BTNL8: variants seen among roughly 807,000 people sequenced by gnomAD.
BTNL8 encodes butyrophilin like 8, also known as butyrophilin-like protein 8.
Under a neutral mutation model 36.1 loss-of-function variants are expected in BTNL8, and 22 were observed. That is an observed-to-expected ratio of 0.61 (90% CI 0.44 to 0.87). BTNL8 has a LOEUF of 0.87. BTNL8 is among the 40% of genes least tolerant of loss of function. The pLI, the probability that BTNL8 is intolerant of heterozygous loss-of-function variation, is 0.00. For missense variants in BTNL8, 526 were observed against 616.9 expected (o/e 0.85, Z 1.56); for synonymous variants, 203 against 235.6 (o/e 0.86, Z 1.27).
At chr5:180,941,183 A>T (rs912001668) in intron 3 of BTNL8, among the ~76,000 whole-genome samples, 6 of 152,102 alleles carry the variant, frequency 3.9e-5, no homozygotes, top group Non-Finnish European at 7.4e-5. Flanking sequence ...ATATGCCAAC[A>T]AGTTGGAAAA....
chr5:180,913,063 C>G (rs1757477815), intron 3 of BTNL8, among the ~76,000 whole-genome samples: 1 of 152,088 alleles, frequency 6.6e-6, no homozygotes, highest in Non-Finnish European at 1.5e-5. Flanking sequence ...GGCTGAACGA[C>G]AATGGAAATC....
At chr5:180,915,124 GAAC>G (rs1757566792) in intron 3 of BTNL8, among the ~76,000 whole-genome samples, 1 of 152,114 alleles carries the variant, frequency 6.6e-6, no homozygotes, top group Non-Finnish European at 1.5e-5. Flanking sequence ...GCATGGACCT[GAAC>G]AACAAGCAGC....
At chr5:180,910,232 C>T (rs1241465216) in intron 2 of BTNL8, among the ~76,000 whole-genome samples, 1 of 149,526 alleles carries the variant, frequency 6.7e-6, no homozygotes, top group African/African-American at 2.5e-5. Context: ...GCTGGCAGGA[C>T]CAGGTGAAAG....
At chr5:180,907,688 C>G (rs1309988208) in intron 1 of BTNL8, among the ~76,000 whole-genome samples, 1 of 152,008 alleles carries the variant, frequency 6.6e-6, no homozygotes, top group Non-Finnish European at 1.5e-5. Context: ...TGGTGATGTA[C>G]AGATGGGTTT....
At chr5:180,938,343 G>C (rs1318611476) in intron 3 of BTNL8, among the ~76,000 whole-genome samples, 2 of 152,146 alleles carry the variant, frequency 1.3e-5, no homozygotes, top group African/African-American at 4.8e-5. Context: ...TGGACATCCA[G>C]TTCCAGGAAG....
At chr5:180,905,337 A>T (rs201912130) in intron 1 of BTNL8, among the ~76,000 whole-genome samples, 1 of 145,588 alleles carries the variant, frequency 6.9e-6, no homozygotes, top group African/African-American at 2.7e-5. Flanking sequence ...GTATTCCCTG[A>T]TGGTAGTTTG....
intron 3 of BTNL8, among the ~76,000 whole-genome samples, chr5:180,912,838 G>A (rs1312684890): frequency 6.6e-6 from 1 of 152,184 alleles, no homozygotes; most frequent in Non-Finnish European, 1.5e-5. Context: ...TCGACCTAGT[G>A]AATAAGATGA....
chr5:180,942,911 G>A (rs1759054183), intron 3 of BTNL8, among the ~76,000 whole-genome samples: 1 of 151,956 alleles, frequency 6.6e-6, no homozygotes, highest in African/African-American at 2.4e-5. Flanking sequence ...CAAAACCACA[G>A]ACAATAAAAG....
intron 1 of BTNL8, 82 bp downstream of exon 1, chr5:180,899,441 G>T (rs943942244): frequency 6.8e-7 from 1 of 1,469,626 alleles, no homozygotes; most frequent in African/African-American, 1.4e-5. Flanking sequence ...ATGGAATGAA[G>T]GCATCTTTGT....
At chr5:180,924,526 C>T (rs1758010232) in intron 3 of BTNL8, among the ~76,000 whole-genome samples, 1 of 152,246 alleles carries the variant, frequency 6.6e-6, no homozygotes, top group Non-Finnish European at 1.5e-5. Flanking sequence ...GTCACAGGAG[C>T]ACAGCCAGCA....
At chr5:180,909,317 A>C (rs1757275061) in intron 2 of BTNL8, among the ~76,000 whole-genome samples, 1 of 152,222 alleles carries the variant, frequency 6.6e-6, no homozygotes, top group African/African-American at 2.4e-5. Context: ...ATTCAGCATA[A>C]TGCTCTTGCG....
At chr5:180,899,426 G>A in intron 1 of BTNL8, 67 bp downstream of exon 1, 1 of 1,524,698 alleles carries the variant, frequency 6.6e-7, no homozygotes. Flanking sequence ...AATGGTTGCA[G>A]CATAATGGAA....
In BTNL8 at chr5:180,900,970, C is replaced by T. The variant is rs370220277; in HGVS notation, c.49+1611C>T. Among the ~76,000 whole-genome samples, 16 of 152,306 alleles carry T rather than the reference C, an allele frequency of 1.1e-4. No homozygotes were observed. The East Asian group carries it at 3.1e-3, about 29-fold the overall frequency. The stretch of plus-strand genomic sequence containing the variant: ...GTAGGTTCCAAGGGTGGCAGGAAGC[C>T]CTCAGCAGAGAGGCAGAGGCCAGGC... On this transcript the variant is annotated intron_variant, in intron 1 of 7. Transcript: ENST00000340184.
At chr5:180,914,372 C>T (rs1757531767) in intron 3 of BTNL8, among the ~76,000 whole-genome samples, 1 of 152,168 alleles carries the variant, frequency 6.6e-6, no homozygotes, top group Non-Finnish European at 1.5e-5. Context: ...CCTTGGACTT[C>T]CCAGCCTCCA....
At chr5:180,948,525 A>G (rs1167261508) in intron 5 of BTNL8, 150 bp downstream of exon 5, 7 of 1,604,006 alleles carry the variant, frequency 4.4e-6, no homozygotes, top group Non-Finnish European at 5.1e-6. Flanking sequence ...CTCTCCATCC[A>G]CTGCTCATGA....
At chr5:180,930,923 G>A (rs143182934) in intron 3 of BTNL8, among the ~76,000 whole-genome samples, 1 of 152,076 alleles carries the variant, frequency 6.6e-6, no homozygotes, top group Non-Finnish European at 1.5e-5. Flanking sequence ...TCCCCATCAA[G>A]CTACCACTGA....
chr5:180,946,770 T>C (rs1759272920), intron 3 of BTNL8, among the ~76,000 whole-genome samples: 1 of 152,196 alleles, frequency 6.6e-6, no homozygotes. Context: ...AAATGTCTCA[T>C]CATAAAAATG....
At chr5:180,931,543 T>G (rs1758383033) in intron 3 of BTNL8, among the ~76,000 whole-genome samples, 1 of 151,538 alleles carries the variant, frequency 6.6e-6, no homozygotes, top group African/African-American at 2.4e-5. Flanking sequence ...TGGGAGAAAA[T>G]TTTTGCAATC....
At chr5:180,943,157 C>T (rs1207448895) in intron 3 of BTNL8, among the ~76,000 whole-genome samples, 4 of 100,916 alleles carry the variant, frequency 4.0e-5, no homozygotes, top group Admixed American at 1.3e-4. Flanking sequence ...TTTTTTGAGG[C>T]AGAGTCTCGC....
Sources: gnomAD v4.1 joint callset for allele counts (sites outside exome capture counted in the v4.1 genomes callset) on GRCh38, gnomAD v4.1.1 for gene constraint, MANE v1.5 for transcripts, NCBI Gene and HGNC (gene_info 2026-07-23, HGNC 2026-07-21) for gene names.